LRRC4C: variants seen among roughly 807,000 people sequenced by gnomAD.
LRRC4C encodes the protein leucine rich repeat containing 4C, also known as leucine-rich repeat-containing protein 4C.
Under a neutral mutation model 33.6 loss-of-function variants are expected in LRRC4C, and 5 were observed. The ratio of observed to expected loss-of-function variants is 0.15; its 90% CI spans 0.08 to 0.31. LRRC4C has a LOEUF of 0.31. LRRC4C is among the 10% of genes least tolerant of loss of function. LRRC4C has a pLI of 1.00. For synonymous variants in LRRC4C, 329 were observed against 302.0 expected, an observed-to-expected ratio of 1.09 and a Z score of -0.93; for missense variants, 560 against 796.7, an observed-to-expected ratio of 0.70 and a Z score of 3.58.
chr11:41,451,404 T>C (rs1590325601), intron 1 of LRRC4C, among the ~76,000 whole-genome samples: 1 of 152,136 alleles, frequency 6.6e-6, no homozygotes, highest in East Asian at 1.9e-4. Flanking sequence ...TGTGTATTTA[T>C]GTATATGGTG....
At position 40,562,946 on chromosome 11, in the gene LRRC4C, CT is replaced by C. The variant is rs567360534; in HGVS notation, c.-270+85195del. 7.1e-5 allele frequency among the ~76,000 whole-genome samples: 10 copies of C among 140,432 alleles called. No individual in the cohort carries two copies. The East Asian group carries it at 8.4e-4, about 12-fold the overall frequency. The allele number at this position is 140,432 out of a possible 152,430, so 92.1% of individuals were successfully genotyped here. ...CATCACTCCTTTCCTTTTTTTTTTT[CT>C]TTTTTTTTTGTGATGTCAGACTCAC... On this transcript the variant is annotated intron_variant, in intron 3 of 6. Coordinates refer to ENST00000528697, the MANE Select transcript of LRRC4C (RefSeq NM_001258419.2).
At chr11:40,946,162 C>CT (rs1302561807) in intron 1 of LRRC4C, among the ~76,000 whole-genome samples, 1 of 152,036 alleles carries the variant, frequency 6.6e-6, no homozygotes, top group Non-Finnish European at 1.5e-5. Context: ...CGTTTAGCTC[C>CT]CACTTAGAAG....
chr11:40,289,176 TGTATTG>T (rs1282653707), intron 4 of LRRC4C, among the ~76,000 whole-genome samples: 1 of 152,184 alleles, frequency 6.6e-6, no homozygotes, highest in Non-Finnish European at 1.5e-5. Flanking sequence ...CTATTTTACA[TGTATTG>T]GTGCTCGAAC....
At chr11:40,152,111 C>T (rs1565058693) in intron 5 of LRRC4C, among the ~76,000 whole-genome samples, 3 of 152,134 alleles carry the variant, frequency 2.0e-5, no homozygotes, top group African/African-American at 7.2e-5. Context: ...ACTCGAGAGA[C>T]ACCCCAAATA....
chr11:40,912,352 C>T (rs955003073), intron 2 of LRRC4C, among the ~76,000 whole-genome samples: 1 of 152,174 alleles, frequency 6.6e-6, no homozygotes, highest in Non-Finnish European at 1.5e-5. Flanking sequence ...GATCTCTCAG[C>T]AGAAACTCTA....
intron 1 of LRRC4C, among the ~76,000 whole-genome samples, chr11:41,415,892 G>C (rs1184058209): frequency 2.0e-5 from 3 of 152,048 alleles, no homozygotes; most frequent in Non-Finnish European, 2.9e-5. Context: ...TCTGTGCACT[G>C]TAAATCAGAG....
intron 1 of LRRC4C, among the ~76,000 whole-genome samples, chr11:41,092,160 A>AT (rs1033907224): frequency 6.6e-6 from 1 of 152,150 alleles, no homozygotes; most frequent in Admixed American, 6.5e-5. Flanking sequence ...GAATATTGCC[A>AT]TTTTTTGTAT....
intron 3 of LRRC4C, among the ~76,000 whole-genome samples, chr11:40,437,417 G>A (rs1045791740): frequency 6.7e-6 from 1 of 148,774 alleles, no homozygotes; most frequent in African/African-American, 2.5e-5. Flanking sequence ...TTTTGGAGAT[G>A]GAGTCTTGCT....
chr11:40,210,577 C>T (rs530848674), intron 5 of LRRC4C, among the ~76,000 whole-genome samples: 10 of 152,218 alleles, frequency 6.6e-5, no homozygotes, highest in African/African-American at 1.4e-4. Flanking sequence ...TCTTGGGCTA[C>T]GTGGCTCTGA....
At chr11:41,163,011 G>T (rs1023031094) in intron 1 of LRRC4C, among the ~76,000 whole-genome samples, 2 of 152,112 alleles carry the variant, frequency 1.3e-5, no homozygotes, top group African/African-American at 4.8e-5. Context: ...GAATTATGGG[G>T]TCAGTTTCTC....
intron 1 of LRRC4C, among the ~76,000 whole-genome samples, chr11:41,427,704 T>A (rs1328247894): frequency 6.6e-6 from 1 of 152,070 alleles, no homozygotes; most frequent in Non-Finnish European, 1.5e-5. Flanking sequence ...AGCCATCATA[T>A]CCCCTGTGAC....
At chr11:41,137,207 A>G (rs1298257798) in intron 1 of LRRC4C, among the ~76,000 whole-genome samples, 2 of 151,926 alleles carry the variant, frequency 1.3e-5, no homozygotes, top group Non-Finnish European at 2.9e-5. Flanking sequence ...ATGCCACTGC[A>G]CTCCAGCCTG....
At chr11:40,907,404 A>G (rs1475612590) in intron 2 of LRRC4C, among the ~76,000 whole-genome samples, 1 of 152,234 alleles carries the variant, frequency 6.6e-6, no homozygotes, top group Non-Finnish European at 1.5e-5. Context: ...ATAATGGGGC[A>G]ATCATTATTC....
At chr11:40,940,436 G>C (rs1958091858) in intron 1 of LRRC4C, among the ~76,000 whole-genome samples, 1 of 152,038 alleles carries the variant, frequency 6.6e-6, no homozygotes, top group Non-Finnish European at 1.5e-5. Context: ...TGAATTTAGA[G>C]ATATTTCTTC....
intron 1 of LRRC4C, among the ~76,000 whole-genome samples, chr11:41,173,765 G>A (rs139161546): frequency 6.6e-6 from 1 of 152,132 alleles, no homozygotes; most frequent in South Asian, 2.1e-4. Flanking sequence ...AGAAACTAAA[G>A]ATCTTTGTCC....
intron 1 of LRRC4C, among the ~76,000 whole-genome samples, chr11:41,369,614 A>G (rs1345896849): frequency 1.3e-5 from 2 of 152,148 alleles, no homozygotes. Flanking sequence ...TGCAGGATTT[A>G]TGCTAGATCT....
Position 41,445,100 on chromosome 11 carries a change from A to T in LRRC4C, c.-496+14331T>A, listed in dbSNP as rs148362234. On this transcript the variant is annotated intron_variant, in intron 1 of 6. Coordinates refer to ENST00000528697, the MANE Select transcript of LRRC4C (RefSeq NM_001258419.2). ...TTACAGGCATGAGCCACCACGCCCGACATCTAACTTAATTTCTATTCTTTT... is the reference window on the plus strand; with the variant it reads ...TTACAGGCATGAGCCACCACGCCCGTCATCTAACTTAATTTCTATTCTTTT... Among the ~76,000 whole-genome samples, 541 of 152,132 alleles carry T rather than the reference A, an allele frequency of 3.6e-3. 6 individuals carry two copies. The highest frequency in any genetic ancestry group is 0.02 in the Middle Eastern group (6 of 294).
At chr11:40,574,241 C>T (rs1458282313) in intron 3 of LRRC4C, among the ~76,000 whole-genome samples, 1 of 152,122 alleles carries the variant, frequency 6.6e-6, no homozygotes, top group Non-Finnish European at 1.5e-5. Context: ...ATGGAGTTAA[C>T]CAGACAGCAG....
intron 2 of LRRC4C, among the ~76,000 whole-genome samples, chr11:40,803,040 C>T (rs1159325848): frequency 6.6e-6 from 1 of 152,236 alleles, no homozygotes; most frequent in East Asian, 1.9e-4. Context: ...GTAAATGGAT[C>T]ACTATCTGCA....
Sources: allele counts gnomAD v4.1 joint callset (sites outside exome capture counted in the v4.1 genomes callset), GRCh38; gene constraint gnomAD v4.1.1; transcripts MANE v1.5; gene names NCBI Gene and HGNC (gene_info 2026-07-23, HGNC 2026-07-21).